SND1: variants seen among roughly 807,000 people sequenced by gnomAD.
SND1 encodes the protein staphylococcal nuclease and tudor domain containing 1, also known as staphylococcal nuclease domain-containing protein 1.
SND1 carries 38 observed loss-of-function variants against 121.7 expected under a neutral mutation model. The ratio of observed to expected loss-of-function variants is 0.31; its 90% CI spans 0.24 to 0.41. The LOEUF (loss-of-function observed/expected upper bound fraction) is 0.41. Ranked by LOEUF, SND1 falls within the 10% of genes least tolerant of loss-of-function variation. The pLI is 1.00. For missense variants in SND1, 868 were observed against 1,184.6 expected (o/e 0.73, Z 3.92); for synonymous variants, 401 against 447.4 (o/e 0.90, Z 1.31).
At chr7:127,699,028 G>C (rs1318544439) in intron 4 of SND1, 75 bp downstream of exon 4, 4 of 1,208,896 alleles carry the variant, frequency 3.3e-6, no homozygotes, top group Non-Finnish European at 4.8e-6. Context: ...CTTGCCCCCA[G>C]ACATGGGTAA....
In SND1 at chr7:127,997,705, C is replaced by A. The variant is rs187350488; in HGVS notation, c.1779+6649C>A. 1.6e-4 allele frequency: 85 copies of A among 532,306 alleles called. 2 individuals carry two copies. Among genetic ancestry groups the A allele is most frequent in the Admixed American group, 1.5e-3 (78 of 51,562 alleles). The allele number at this position is 532,306 out of a possible 1,614,324, so 33.0% of individuals were successfully genotyped here. A position where few individuals can be genotyped will look rare whatever the true frequency, so the allele number is the denominator to read the frequency against. On this transcript the variant is annotated intron_variant, in intron 16 of 23. Coordinates refer to ENST00000354725, the MANE Select transcript of SND1 (RefSeq NM_014390.4). ...ACCTCTCCAACTTTATGTCTCACCACCCCCACTCACTTCGTAATTCGTGCC... is the reference window on the plus strand; with the variant it reads ...ACCTCTCCAACTTTATGTCTCACCAACCCCACTCACTTCGTAATTCGTGCC...
chr7:127,699,885 G>A (rs569942184), intron 4 of SND1, among the ~76,000 whole-genome samples: 25 of 152,264 alleles, frequency 1.6e-4, no homozygotes, highest in Non-Finnish European at 3.2e-4. Flanking sequence ...GCAAAAATGC[G>A]CCTTTTGCAT....
At chr7:127,843,936 G>A (rs953038269) in intron 11 of SND1, among the ~76,000 whole-genome samples, 1 of 152,182 alleles carries the variant, frequency 6.6e-6, no homozygotes, top group Non-Finnish European at 1.5e-5. Flanking sequence ...GCTACAACGA[G>A]CAGTGGTATC....
chr7:128,034,639 G>T (rs561576001), intron 16 of SND1, among the ~76,000 whole-genome samples: 1 of 152,200 alleles, frequency 6.6e-6, no homozygotes, highest in African/African-American at 2.4e-5. Context: ...GGTCAGACCA[G>T]TACTTAGTAA....
At chr7:128,077,108 C>T (rs1055088553) in intron 17 of SND1, among the ~76,000 whole-genome samples, 3 of 152,222 alleles carry the variant, frequency 2.0e-5, no homozygotes, top group Non-Finnish European at 4.4e-5. Flanking sequence ...GATTGGCCAT[C>T]GATTGGCTTT....
intron 2 of SND1, among the ~76,000 whole-genome samples, chr7:127,687,927 A>G (rs1795844356): frequency 1.3e-5 from 2 of 152,070 alleles, no homozygotes; most frequent in South Asian, 4.1e-4. Flanking sequence ...AATTCAAGCA[A>G]TCTTTCTGCC....
intron 18 of SND1, among the ~76,000 whole-genome samples, chr7:128,082,511 C>T (rs1026755496): frequency 6.6e-6 from 1 of 152,190 alleles, no homozygotes; most frequent in Non-Finnish European, 1.5e-5. Flanking sequence ...CATTCCTGGC[C>T]CTGGGCTGGC....
At chr7:127,818,646 C>T (rs867621716) in intron 11 of SND1, among the ~76,000 whole-genome samples, 1 of 152,130 alleles carries the variant, frequency 6.6e-6, no homozygotes, top group Admixed American at 6.5e-5. Context: ...GTATGATGGA[C>T]CTTTTTGCCT....
chr7:127,985,471 T>G (rs1022559416), intron 15 of SND1, among the ~76,000 whole-genome samples: 3 of 152,208 alleles, frequency 2.0e-5, no homozygotes, highest in Non-Finnish European at 2.9e-5. Flanking sequence ...TTGGCCAGGC[T>G]GGTCTCAAAC....
chr7:128,030,159 C>T, intron 16 of SND1: 2 of 1,614,236 alleles, frequency 1.2e-6, no homozygotes, highest in South Asian at 1.1e-5. Flanking sequence ...AGAGGGGATG[C>T]TTTCGATGGG....
chr7:128,043,726 G>T (rs1023849167), intron 16 of SND1, among the ~76,000 whole-genome samples: 2 of 151,178 alleles, frequency 1.3e-5, no homozygotes, highest in African/African-American at 2.4e-5. Context: ...TCAGGAGCAG[G>T]ATTCTTATTT....
At chr7:127,658,340 T>C (rs1368542802) in intron 1 of SND1, among the ~76,000 whole-genome samples, 1 of 151,914 alleles carries the variant, frequency 6.6e-6, no homozygotes, top group Non-Finnish European at 1.5e-5. Flanking sequence ...GAGAGACTGA[T>C]AAGAAAAAAT....
intron 2 of SND1, among the ~76,000 whole-genome samples, chr7:127,689,461 T>C (rs1795874650): frequency 6.6e-6 from 1 of 152,170 alleles, no homozygotes; most frequent in Admixed American, 6.5e-5. Context: ...GAAAGAAGGG[T>C]TGGATTTTAA....
chr7:127,970,540 G>A (rs1470557987), intron 15 of SND1, among the ~76,000 whole-genome samples: 1 of 152,190 alleles, frequency 6.6e-6, no homozygotes, highest in Non-Finnish European at 1.5e-5. Flanking sequence ...AAGATAGGCA[G>A]TGTGATTTTC....
At chr7:127,911,708 G>T (rs542028573) in intron 14 of SND1, among the ~76,000 whole-genome samples, 1 of 152,080 alleles carries the variant, frequency 6.6e-6, no homozygotes, top group African/African-American at 2.4e-5. Flanking sequence ...CACCATGTTG[G>T]TCAGGCTGGT....
chr7:127,945,418 G>A (rs1440146595), intron 15 of SND1, among the ~76,000 whole-genome samples: 2 of 152,000 alleles, frequency 1.3e-5, no homozygotes, highest in Admixed American at 1.3e-4. Flanking sequence ...GTGAACCCAG[G>A]AGGCGGAGCT....
chr7:127,794,369 G>T (rs1797972291), intron 10 of SND1, among the ~76,000 whole-genome samples: 1 of 152,152 alleles, frequency 6.6e-6, no homozygotes, highest in Non-Finnish European at 1.5e-5. Flanking sequence ...ACAATTCATT[G>T]CACAAATTTG....
intron 11 of SND1, among the ~76,000 whole-genome samples, chr7:127,820,019 C>T (rs762864680): frequency 3.9e-4 from 59 of 152,134 alleles, no homozygotes; most frequent in Non-Finnish European, 6.8e-4. Context: ...CCATTATGCC[C>T]GCCTTCTCCC....
In SND1 at chr7:127,917,447, A is replaced by G. The variant is rs60001043; in HGVS notation, c.1528-11741A>G. On this transcript the variant is annotated intron_variant, in intron 14 of 23. Transcript: ENST00000354725. ...TTTACAAGTTGCTCTCTTTACTAGG[A>G]ACAAATTTTTATTCTCACATCATAT... 8.1e-3 allele frequency among the ~76,000 whole-genome samples: 1,227 copies of G among 152,258 alleles called. 10 individuals are homozygous for G. Among genetic ancestry groups the G allele is most frequent in the African/African-American group, 0.024 (1,014 of 41,524 alleles).
Sources: allele counts gnomAD v4.1 joint callset (sites outside exome capture counted in the v4.1 genomes callset), GRCh38; gene constraint gnomAD v4.1.1; transcripts MANE v1.5; gene names NCBI Gene and HGNC (gene_info 2026-07-23, HGNC 2026-07-21).